OTOGL: variants seen among roughly 807,000 people sequenced by gnomAD.
The protein encoded by OTOGL is otogelin like, also known as otogelin-like protein.
In OTOGL, 285 loss-of-function variants were observed where a neutral mutation model predicts 318.5. That is an observed-to-expected ratio of 0.89 (90% CI 0.81 to 0.99). The LOEUF (loss-of-function observed/expected upper bound fraction) is 0.99. Among genes scored for constraint, OTOGL ranks in the 50% least tolerant of loss-of-function variants. The pLI is 0.00. For missense variants in OTOGL, 2,899 were observed against 2,845.6 expected (o/e 1.02, Z -0.43); for synonymous variants, 987 against 936.5 (o/e 1.05, Z -0.99).
At chr12:80,234,786 G>C (rs1210817530) in intron 9 of OTOGL, among the ~76,000 whole-genome samples, 2 of 152,298 alleles carry the variant, frequency 1.3e-5, no homozygotes, top group East Asian at 3.9e-4. Context: ...GTCAGGATTA[G>C]TTTACTAGTA....
intron 28 of OTOGL, among the ~76,000 whole-genome samples, chr12:80,304,617 T>G (rs1423827201): frequency 2.0e-5 from 3 of 152,204 alleles, no homozygotes; most frequent in Non-Finnish European, 4.4e-5. Context: ...AGCCCAAAGA[T>G]CTATTCTTAG....
chr12:80,160,193 A>G (rs1873410589), intron 1 of OTOGL, among the ~76,000 whole-genome samples: 1 of 152,144 alleles, frequency 6.6e-6, no homozygotes, highest in African/African-American at 2.4e-5. Flanking sequence ...TTCGGCAAAG[A>G]CTTTATGACC....
rs987052788 is a variant in OTOGL, at chr12:80,195,894, C to T, written c.-19-13519C>T. Among the ~76,000 whole-genome samples, 6 of 152,272 alleles carry T rather than the reference C, an allele frequency of 3.9e-5. No homozygotes were observed. In the East Asian group the frequency reaches 7.7e-4, roughly 20 times the overall value. On this transcript the variant is annotated intron_variant, in intron 1 of 58. Transcript: ENST00000547103. ...CCTTTCCCCAGTGGAGGTTGTTAAACGGTTACCAGAATATCACTGAACATA... is the reference window on the plus strand; with the variant it reads ...CCTTTCCCCAGTGGAGGTTGTTAAATGGTTACCAGAATATCACTGAACATA...
chr12:80,187,561 A>G (rs540748770), intron 1 of OTOGL, among the ~76,000 whole-genome samples: 9 of 152,358 alleles, frequency 5.9e-5, no homozygotes, highest in Admixed American at 2.6e-4. Context: ...TAAAGTTATA[A>G]CCACATCTTT....
chr12:80,256,152 A>C (rs1882016151), intron 16 of OTOGL, among the ~76,000 whole-genome samples, 185 bp from the exon 17 acceptor site: 1 of 152,070 alleles, frequency 6.6e-6, no homozygotes, highest in Non-Finnish European at 1.5e-5. Context: ...CAGCTACTTT[A>C]TTACATTACT....
At chr12:80,102,751 T>C in intron 1 of OTOGL, 1 of 597,566 alleles carries the variant, frequency 1.7e-6, no homozygotes. Context: ...AGGTATATCC[T>C]AAAACTTTAA....
intron 26 of OTOGL, among the ~76,000 whole-genome samples, chr12:80,283,755 G>GTGC (rs1884406000): frequency 6.6e-6 from 1 of 152,002 alleles, no homozygotes; most frequent in African/African-American, 2.4e-5. Flanking sequence ...GAAGTTTTTA[G>GTGC]AGCAGCACTT....
Position 80,262,078 on chromosome 12 carries a change from A to G in OTOGL, c.1999A>G (p.Ile667Val). The G allele has an allele frequency of 1.2e-6, 2 of 1,608,656 alleles. No homozygotes were observed. Among genetic ancestry groups the G allele is most frequent in the Non-Finnish European group, 1.7e-6 (2 of 1,176,860 alleles). The change falls in exon 19 of 59, where the codon ATC becomes GTC. Residue 667 changes from isoleucine to valine, a missense_variant. Physicochemically the swap from Ile to Val is conservative, Grantham distance 29 (BLOSUM62 3). This residue lies in a region of OTOGL where 2,607 missense variants were observed against 2,524.9 expected (regional missense o/e 1.03). Coordinates refer to ENST00000547103, the MANE Select transcript of OTOGL (RefSeq NM_001378609.3). The part of the protein sequence containing the change: ...VHVPVVDPCN[I>V]NQQNIGYAAH... The stretch of plus-strand genomic sequence containing the variant: ...TGTCCCAGTGGTGGACCCCTGTAAC[A>G]TCAATCAACAAAACAGTAAGTTTTG...
chr12:80,179,319 A>G (rs1448114137), intron 1 of OTOGL, among the ~76,000 whole-genome samples: 2 of 152,212 alleles, frequency 1.3e-5, no homozygotes, highest in Non-Finnish European at 2.9e-5. Flanking sequence ...ATGTTGACTG[A>G]TGAAAGAAAA....
intron 1 of OTOGL, among the ~76,000 whole-genome samples, chr12:80,154,326 A>T (rs1413520975): frequency 6.6e-6 from 1 of 152,142 alleles, no homozygotes; most frequent in Non-Finnish European, 1.5e-5. Flanking sequence ...GGGAAAAAGA[A>T]AGCTTGGACT....
At position 80,367,657 on chromosome 12, in the gene OTOGL, A is replaced by C. The variant is rs1443451345; in HGVS notation, c.6428A>C (p.Glu2143Ala). 7 of 1,498,818 alleles carry C rather than the reference A, an allele frequency of 4.7e-6. No individual in the cohort carries two copies. Among genetic ancestry groups the C allele is most frequent in the Non-Finnish European group, 6.3e-6 (7 of 1,116,874 alleles). 92.8% of individuals were successfully genotyped at this position (1,498,818 alleles called of 1,614,324 possible). The change falls in exon 54 of 59, where the codon GAG becomes GCG. Residue 2143 changes from glutamate (E) to alanine (A), a missense_variant. Physicochemically the swap from Glu to Ala is moderately radical, Grantham distance 107 (BLOSUM62 -1). This residue lies in a region of OTOGL where 289 missense variants were observed against 304.6 expected (regional missense o/e 0.95). Coordinates refer to ENST00000547103, the MANE Select transcript of OTOGL (RefSeq NM_001378609.3). ...GAAGAAGACTTTTGTTATGCTATAG[A>C]GTGTCTGGAAGAAAAAGATAACCAT... The part of the protein sequence containing the change: ...YLEEDFCYAI[E>A]CLEEKDNHTG...
In OTOGL at chr12:80,162,112, T is replaced by C. The variant is rs1162271930; in HGVS notation, c.-19-47301T>C. 3.3e-5 allele frequency among the ~76,000 whole-genome samples: 5 copies of C among 152,208 alleles called. No homozygotes were observed. In the East Asian group the frequency reaches 9.6e-4, roughly 29 times the overall value. ...GAAAAGAAATTCTAAAGTGATTTTA[T>C]GGTTTTGATTCCTTGTGAGTTTGGA... On this transcript the variant is annotated intron_variant, in intron 1 of 58. Transcript: ENST00000547103.
rs765174454 is a variant in OTOGL at position 80,356,946 on chromosome 12, A to T, written c.6019+32A>T. On this transcript the variant is annotated intron_variant, in intron 49 of 58. Coordinates refer to ENST00000547103, the MANE Select transcript of OTOGL (RefSeq NM_001378609.3). ...ATTGTAGAGATAATTTCTTGGAAGA[A>T]GAGAAAGGATCTAGGAAAAAAATCT... 3.4e-5 allele frequency: 47 copies of T among 1,386,740 alleles called. 1 individual carries two copies. In the Middle Eastern group the frequency reaches 1.7e-3, roughly 50 times the overall value. The allele number at this position is 1,386,740 out of a possible 1,614,324, so 85.9% of individuals were successfully genotyped here. A position where few individuals can be genotyped will look rare whatever the true frequency, so the allele number is the denominator to read the frequency against.
intron 1 of OTOGL, among the ~76,000 whole-genome samples, chr12:80,154,163 G>T (rs1411581624): frequency 6.6e-6 from 1 of 152,042 alleles, no homozygotes; most frequent in African/African-American, 2.4e-5. Context: ...ACAAAAATTA[G>T]CCAGGCATGG....
At chr12:80,320,910 G>T (rs561663449) in intron 34 of OTOGL, among the ~76,000 whole-genome samples, 1 of 152,056 alleles carries the variant, frequency 6.6e-6, no homozygotes, top group South Asian at 2.1e-4. Flanking sequence ...GTTATGGTGA[G>T]TATTGAATAA....
At chr12:80,371,208 G>C (rs754354361) in intron 56 of OTOGL, among the ~76,000 whole-genome samples, 8 of 152,084 alleles carry the variant, frequency 5.3e-5, no homozygotes, top group African/African-American at 1.9e-4. Flanking sequence ...TACTGGAAAA[G>C]TAGATTTGTG....
chr12:80,144,463 C>T (rs1391406729), intron 1 of OTOGL, among the ~76,000 whole-genome samples: 2 of 148,480 alleles, frequency 1.3e-5, no homozygotes, highest in Non-Finnish European at 3.0e-5. Context: ...CATTGTTGGA[C>T]ATTTGGGTTG....
intron 9 of OTOGL, among the ~76,000 whole-genome samples, chr12:80,236,764 C>T (rs1879884011): frequency 6.6e-6 from 1 of 151,548 alleles, no homozygotes; most frequent in Non-Finnish European, 1.5e-5. Context: ...ATTAGAAAGC[C>T]CTAGGATTCT....
At chr12:80,277,855 T>C in intron 24 of OTOGL, among the ~76,000 whole-genome samples, 1 of 151,540 alleles carries the variant, frequency 6.6e-6, no homozygotes, top group East Asian at 1.9e-4. Context: ...ATTTCCTCTA[T>C]AAATTTTTTT....
Sources: allele counts gnomAD v4.1 joint callset (sites outside exome capture counted in the v4.1 genomes callset), GRCh38; gene constraint gnomAD v4.1.1; regional missense constraint gnomAD v4.1.1; transcripts MANE v1.5; gene names NCBI Gene and HGNC (gene_info 2026-07-23, HGNC 2026-07-21).